The following HS6ST2 variants were observed in gnomAD, a reference collection of about 807,000 sequenced individuals.
The protein encoded by HS6ST2 is heparan sulfate 6-O-sulfotransferase 2.
HS6ST2 carries 17 observed loss-of-function variants against 33.0 expected under a neutral mutation model. The observed-to-expected ratio is 0.52, with a 90% CI of 0.35 to 0.77. The LOEUF is 0.77. HS6ST2 is among the 30% of genes least tolerant of loss of function. The pLI, the probability that HS6ST2 is intolerant of heterozygous loss-of-function variation, is 0.01. For synonymous variants in HS6ST2, 248 were observed against 237.1 expected (o/e 1.05, Z -0.42); for missense variants, 519 against 551.7 (o/e 0.94, Z 0.59).
intron 3 of HS6ST2, among the ~76,000 whole-genome samples, chrX:132,676,089 G>T (rs1420394235): frequency 8.9e-6 from 1 of 112,132 alleles, no homozygotes; most frequent in African/African-American, 3.2e-5. Context: ...CCCTGCCTCT[G>T]CAACTTCTTA....
intron 2 of HS6ST2, among the ~76,000 whole-genome samples, chrX:132,925,973 T>C: frequency 8.9e-6 from 1 of 111,896 alleles, no homozygotes; most frequent in Non-Finnish European, 1.9e-5. Context: ...AGTCTCATGA[T>C]TGGTAAGTGA....
chrX:132,747,566 T>C (rs1299557291), intron 2 of HS6ST2, among the ~76,000 whole-genome samples: 1 of 110,578 alleles, frequency 9.0e-6, no homozygotes, highest in Non-Finnish European at 1.9e-5. Context: ...GAAAGAACCC[T>C]GAGTTCAAAT....
chrX:132,857,818 A>G (rs1032872687), intron 2 of HS6ST2, among the ~76,000 whole-genome samples: 3 of 112,222 alleles, frequency 2.7e-5, no homozygotes, highest in Non-Finnish European at 5.6e-5. Context: ...TACAGTCTCA[A>G]TGAATATTTG....
At chrX:132,659,126 T>A (rs1249265902) in intron 4 of HS6ST2, among the ~76,000 whole-genome samples, 1 of 112,202 alleles carries the variant, frequency 8.9e-6, no homozygotes, top group Non-Finnish European at 1.9e-5. Context: ...CATGCACTGA[T>A]GATTTGTGCT....
intron 2 of HS6ST2, among the ~76,000 whole-genome samples, chrX:132,772,965 T>C (rs1432265723): frequency 5.5e-5 from 5 of 90,479 alleles, no homozygotes; most frequent in Non-Finnish European, 1.0e-4. Flanking sequence ...TATATTAATA[T>C]ATAATATATT....
chrX:132,737,302 A>C (rs1290669289), intron 2 of HS6ST2, among the ~76,000 whole-genome samples: 1 of 111,866 alleles, frequency 8.9e-6, no homozygotes, highest in Non-Finnish European at 1.9e-5. Flanking sequence ...GTGGTAACTC[A>C]CTTGGCCCCT....
At chrX:132,919,249 G>A (rs187220241) in intron 2 of HS6ST2, among the ~76,000 whole-genome samples, 6 of 111,982 alleles carry the variant, frequency 5.4e-5, no homozygotes, top group Admixed American at 1.9e-4. Flanking sequence ...AATCCCATAG[G>A]CACAACCATA....
At chrX:132,959,779 C>T (rs2067129411), upstream of HS6ST2, among the ~76,000 whole-genome samples, 1 of 112,229 alleles carries the variant, frequency 8.9e-6, no homozygotes, top group Non-Finnish European at 1.9e-5. Flanking sequence ...AACTGAGTCA[C>T]CGTGGGGATG....
intron 2 of HS6ST2, among the ~76,000 whole-genome samples, chrX:132,731,621 G>A (rs2064457017): frequency 9.0e-6 from 1 of 111,683 alleles, no homozygotes. Context: ...GCCAAGGTGG[G>A]CGGATCACGA....
chrX:132,889,151 G>T (rs1404741071), intron 2 of HS6ST2, among the ~76,000 whole-genome samples: 1 of 110,289 alleles, frequency 9.1e-6, no homozygotes, highest in Non-Finnish European at 1.9e-5. Flanking sequence ...GGCAAGAGAG[G>T]AATACAAGAG....
chrX:132,732,288 G>A (rs1452014546), intron 2 of HS6ST2, among the ~76,000 whole-genome samples: 1 of 111,636 alleles, frequency 9.0e-6, no homozygotes, highest in African/African-American at 3.3e-5. Context: ...AGCTAAAAAG[G>A]TCAGGCAAAG....
chrX:132,876,237 C>T lies in HS6ST2; in HGVS notation c.947+80571G>A, dbSNP rs1417001141. On this transcript the variant is annotated intron_variant, in intron 2 of 4. Transcript: ENST00000370833. ...GTGTGAGAATGGAAGGCTTAATCTA[C>T]CTTCACCTTAGGCAAATTTCATTAA... Among the ~76,000 whole-genome samples the T allele has an allele frequency of 2.7e-5, 3 of 110,984 alleles. No homozygotes were observed. The South Asian group carries it at 1.2e-3, about 43-fold the overall frequency.
At chrX:132,872,619 A>G (rs1024556296) in intron 2 of HS6ST2, among the ~76,000 whole-genome samples, 1 of 111,880 alleles carries the variant, frequency 8.9e-6, no homozygotes, top group African/African-American at 3.2e-5. Context: ...CCTTAATGTG[A>G]TCATATAAAC....
In HS6ST2 at chrX:132,884,225, C is replaced by T. The variant is rs149932638; in HGVS notation, c.947+72583G>A. Among the ~76,000 whole-genome samples, 593 of 111,511 alleles carry T rather than the reference C, an allele frequency of 5.3e-3. 3 individuals are homozygous for T. Among genetic ancestry groups the T allele is most frequent in the Non-Finnish European group, 6.3e-3 (333 of 53,118 alleles). On this transcript the variant is annotated intron_variant, in intron 2 of 4. Coordinates refer to ENST00000370833, the MANE Select transcript of HS6ST2 (RefSeq NM_001394073.1). ...CAAACATGTGTGAAACTGGTTATCT[C>T]TGACCTTACACCATTCAAGATACAT...
chrX:132,946,679 A>C (rs900468844), intron 2 of HS6ST2, among the ~76,000 whole-genome samples: 5 of 111,921 alleles, frequency 4.5e-5, no homozygotes, highest in Non-Finnish European at 9.4e-5. Context: ...TGATGAGTTA[A>C]TGGGTGCAGC....
intron 2 of HS6ST2, among the ~76,000 whole-genome samples, chrX:132,724,669 C>T (rs762868819): frequency 6.3e-5 from 7 of 111,661 alleles, no homozygotes; most frequent in African/African-American, 1.3e-4. Flanking sequence ...AAAATTTCTA[C>T]GGAACCACAA....
At chrX:132,885,622 G>A (rs2066242691) in intron 2 of HS6ST2, among the ~76,000 whole-genome samples, 1 of 110,846 alleles carries the variant, frequency 9.0e-6, no homozygotes, top group Non-Finnish European at 1.9e-5. Context: ...ATGTAAGATG[G>A]CCCAGTAGAA....
At chrX:132,652,675 G>A (rs1354196078) in intron 4 of HS6ST2, among the ~76,000 whole-genome samples, 3 of 110,966 alleles carry the variant, frequency 2.7e-5, no homozygotes, top group Non-Finnish European at 3.8e-5. Context: ...TAATCAGAAA[G>A]TCGGTAGCAA....
chrX:132,642,616 G>A (rs1037040510), intron 4 of HS6ST2, among the ~76,000 whole-genome samples: 2 of 111,808 alleles, frequency 1.8e-5, no homozygotes, highest in South Asian at 3.8e-4. Context: ...TGGGCTACAT[G>A]TGTGGGGAAA....
Sources: allele counts gnomAD v4.1 joint callset (sites outside exome capture counted in the v4.1 genomes callset), GRCh38; gene constraint gnomAD v4.1.1; transcripts MANE v1.5; gene names NCBI Gene and HGNC (gene_info 2026-07-23, HGNC 2026-07-21).